The following TPST1 variants were observed in gnomAD, a reference collection of about 807,000 sequenced individuals.
TPST1 encodes the protein tyrosylprotein sulfotransferase 1.
In TPST1, 20 loss-of-function variants were observed where a neutral mutation model predicts 34.8. The ratio of observed to expected loss-of-function variants is 0.57; its 90% CI spans 0.40 to 0.84. The LOEUF (loss-of-function observed/expected upper bound fraction) is 0.84, where lower values mean the gene tolerates loss of function less well. TPST1 is among the 40% of genes least tolerant of loss of function. The pLI, the probability that TPST1 is intolerant of heterozygous loss-of-function variation, is 0.00. For synonymous variants in TPST1, 152 were observed against 159.4 expected (o/e 0.95, Z 0.35); for missense variants, 353 against 455.5 (o/e 0.78, Z 2.05).
chr7:66,313,902 A>C (rs991033977), intron 3 of TPST1, among the ~76,000 whole-genome samples: 1 of 152,060 alleles, frequency 6.6e-6, no homozygotes, highest in Admixed American at 6.6e-5. Context: ...ATCACATCAT[A>C]TATATAGTTT....
intron 5 of TPST1, 103 bp from the exon 6 acceptor site, chr7:66,359,792 G>A (rs1002312283): frequency 1.8e-4 from 78 of 433,258 alleles, no homozygotes; most frequent in Non-Finnish European, 3.3e-5. Context: ...CTCCCCAACC[G>A]CCTGGCTTGT....
chr7:66,241,218 G>A lies in TPST1; in HGVS notation c.793G>A (p.Val265Ile). ...KFLQIPWNHS[V>I]LHHEEMIGKA... ...CCTCCAGATTCCATGGAACCACTCA[G>A]TATTGCACCATGAAGAGATGATTGG... Residue 265 changes from valine to isoleucine, a missense_variant, in exon 2 of 6, where the codon GTA becomes ATA. By Grantham distance (29) the Val-to-Ile change is conservative. Transcript: ENST00000304842. The A allele has an allele frequency of 6.2e-7, 1 of 1,613,980 alleles. No homozygotes were observed. Among genetic ancestry groups the A allele is most frequent in the Non-Finnish European group, 8.5e-7 (1 of 1,179,916 alleles).
At chr7:66,237,980 TAA>T (rs1350102632) in intron 1 of TPST1, among the ~76,000 whole-genome samples, 1 of 152,180 alleles carries the variant, frequency 6.6e-6, no homozygotes, top group Non-Finnish European at 1.5e-5. Context: ...CAGACCGACT[TAA>T]AATTACAAAG....
At chr7:66,203,736 C>CGGCCT (rs1789063878), upstream of TPST1, among the ~76,000 whole-genome samples, 1 of 150,826 alleles carries the variant, frequency 6.6e-6, no homozygotes, top group African/African-American at 2.4e-5. Context: ...CCGCCCACCT[C>CGGCCT]GGCCTCTCAA....
chr7:66,240,849 T>G lies in TPST1; in HGVS notation c.424T>G (p.Leu142Val). 1 of 1,614,224 alleles carries G rather than the reference T, an allele frequency of 6.2e-7. No homozygotes were observed. The highest frequency in any genetic ancestry group is 8.5e-7 in the Non-Finnish European group (1 of 1,180,036). ...EVLDSAMQAF[L>V]LEIIVKHGEP... ...GCTGGATTCTGCCATGCAAGCCTTC[T>G]TACTAGAAATTATCGTTAAGCATGG... is the stretch of plus-strand genomic sequence containing the variant. The change falls in exon 2 of 6, where the codon TTA (leucine) becomes GTA (valine). Residue 142 changes from leucine to valine, a missense_variant. By Grantham distance (32) the Leu-to-Val change is conservative. Coordinates refer to ENST00000304842, the MANE Select transcript of TPST1 (RefSeq NM_003596.4).
rs1790020951 is a variant in TPST1 at position 66,240,968 on chromosome 7, G to C, written c.543G>C (p.Leu181=). ...TATTCCCCAATGCCAAATTTCTCCTGATGGTCCGAGATGGCCGGGCATCAG... is the reference window on the plus strand; with the variant it reads ...TATTCCCCAATGCCAAATTTCTCCTCATGGTCCGAGATGGCCGGGCATCAG... ...SRLFPNAKFL[L]MVRDGRASVH... is the part of the protein sequence containing the mutation. Residue 181 remains leucine, a synonymous_variant, in exon 2 of 6, where the codon CTG becomes CTC. Coordinates refer to ENST00000304842, the MANE Select transcript of TPST1 (RefSeq NM_003596.4). 1.9e-6 allele frequency: 3 copies of C among 1,614,074 alleles called. No homozygotes were observed. The highest frequency in any genetic ancestry group is 2.5e-6 in the Non-Finnish European group (3 of 1,180,040).
intron 3 of TPST1, among the ~76,000 whole-genome samples, chr7:66,297,521 G>A (rs1791226098): frequency 6.6e-6 from 1 of 152,120 alleles, no homozygotes; most frequent in South Asian, 2.1e-4. Flanking sequence ...AACAATTCAA[G>A]AACCTGGTTG....
intron 3 of TPST1, among the ~76,000 whole-genome samples, chr7:66,328,550 TTTGTTGTTTTTTTTGAGACAGCCTCACTC>T (rs1449686963): frequency 6.6e-6 from 1 of 151,816 alleles, no homozygotes. Flanking sequence ...ATAGTTTTTT[TTTGTTGTTTTTTTTGAGACAGCCTCACTC>T]TGTCGCCCAG....
chr7:66,274,958 G>A (rs1482001071), intron 2 of TPST1, among the ~76,000 whole-genome samples: 1 of 152,150 alleles, frequency 6.6e-6, no homozygotes, highest in Admixed American at 6.5e-5. Flanking sequence ...ACTTTGGGAG[G>A]CCGAGGTGGG....
intron 3 of TPST1, among the ~76,000 whole-genome samples, chr7:66,327,813 G>A (rs988248976): frequency 2.6e-5 from 4 of 151,694 alleles, no homozygotes; most frequent in South Asian, 2.1e-4. Flanking sequence ...AATGCATAAT[G>A]TTGTGTTAAG....
At chr7:66,343,086 G>A (rs1455455011) in intron 3 of TPST1, among the ~76,000 whole-genome samples, 1 of 152,016 alleles carries the variant, frequency 6.6e-6, no homozygotes, top group African/African-American at 2.4e-5. Context: ...GTGATTATAA[G>A]ACACTCCCCC....
intron 1 of TPST1, among the ~76,000 whole-genome samples, chr7:66,206,854 C>T (rs1213619311): frequency 2.0e-5 from 3 of 152,180 alleles, no homozygotes; most frequent in Non-Finnish European, 4.4e-5. Context: ...GAATCAGCTG[C>T]TGTACAGACC....
chr7:66,277,786 G>A (rs193089543), intron 2 of TPST1, among the ~76,000 whole-genome samples: 4 of 152,214 alleles, frequency 2.6e-5, no homozygotes, highest in Non-Finnish European at 5.9e-5. Flanking sequence ...TAAAGGCTCT[G>A]TCTGGTGATA....
intron 1 of TPST1, among the ~76,000 whole-genome samples, chr7:66,231,970 G>T (rs1317633988): frequency 6.6e-6 from 1 of 152,188 alleles, no homozygotes; most frequent in Non-Finnish European, 1.5e-5. Flanking sequence ...GCATGTATTT[G>T]TTCTTTTTTA....
At chr7:66,245,589 A>C (rs1790129805) in intron 2 of TPST1, among the ~76,000 whole-genome samples, 1 of 152,246 alleles carries the variant, frequency 6.6e-6, no homozygotes, top group Non-Finnish European at 1.5e-5. Context: ...AGATGGTCCT[A>C]GGAGAAGGTT....
chr7:66,211,734 A>G (rs990658060), intron 1 of TPST1, among the ~76,000 whole-genome samples: 2 of 152,192 alleles, frequency 1.3e-5, no homozygotes, highest in African/African-American at 2.4e-5. Context: ...TTGGGAGGCC[A>G]AGGCAGGGGG....
chr7:66,235,260 G>T (rs567865082), intron 1 of TPST1, among the ~76,000 whole-genome samples: 1 of 143,952 alleles, frequency 6.9e-6, no homozygotes, highest in Non-Finnish European at 1.5e-5. Context: ...AACTCGGCTC[G>T]CTGCAAGCTC....
chr7:66,216,475 C>CT (rs142729625), intron 1 of TPST1, among the ~76,000 whole-genome samples: 36,007 of 144,000 alleles, frequency 0.25, 4,673 homozygotes, highest in East Asian at 0.45. Context: ...TGCTCTTTTT[C>CT]TTTTTTTTTT....
intron 2 of TPST1, among the ~76,000 whole-genome samples, chr7:66,266,051 A>C (rs939160813): frequency 6.6e-6 from 1 of 152,220 alleles, no homozygotes; most frequent in Non-Finnish European, 1.5e-5. Context: ...TGCATGAAAG[A>C]ATAAAGAACA....
Sources: gnomAD v4.1 joint callset for allele counts (sites outside exome capture counted in the v4.1 genomes callset) on GRCh38, gnomAD v4.1.1 for gene constraint, MANE v1.5 for transcripts, NCBI Gene and HGNC (gene_info 2026-07-23, HGNC 2026-07-21) for gene names.